The following OR2L13 variants were observed in gnomAD, a reference collection of about 807,000 sequenced individuals.
The protein encoded by OR2L13 is olfactory receptor family 2 subfamily L member 13.
Under a neutral mutation model 15.3 loss-of-function variants are expected in OR2L13, and 14 were observed. The observed-to-expected ratio is 0.91, with a 90% CI of 0.60 to 1.43. OR2L13 has a LOEUF of 1.43. OR2L13 is among the 40% of genes most tolerant of loss of function. The pLI, the probability that OR2L13 is intolerant of heterozygous loss-of-function variation, is 0.00. For synonymous variants in OR2L13, 152 were observed against 142.9 expected (o/e 1.06, Z -0.45); for missense variants, 367 against 387.9 (o/e 0.95, Z 0.45).
the OR2L13 span, among the ~76,000 whole-genome samples, chr1:247,959,268 G>GC: frequency 6.6e-6 from 1 of 151,980 alleles, no homozygotes; most frequent in Non-Finnish European, 1.5e-5. Flanking sequence ...TTGAATATTG[G>GC]CCCCCACTCT....
chr1:247,990,771 C>G, the OR2L13 span: 8 of 1,602,204 alleles, frequency 5.0e-6, no homozygotes, highest in Non-Finnish European at 6.8e-6. Flanking sequence ...TCCCATATTG[C>G]AAGTCCAGAG....
the OR2L13 span, among the ~76,000 whole-genome samples, chr1:248,081,038 C>A: frequency 2.0e-5 from 3 of 152,230 alleles, no homozygotes; most frequent in East Asian, 5.8e-4. Flanking sequence ...CATATCAGCT[C>A]ATTTTTAAAC....
chr1:248,049,507 T>C, the OR2L13 span, among the ~76,000 whole-genome samples: 1 of 152,138 alleles, frequency 6.6e-6, no homozygotes, highest in African/African-American at 2.4e-5. Flanking sequence ...ATCTTTTACA[T>C]TGGGAGCAAG....
chr1:248,058,938 T>G, the OR2L13 span, among the ~76,000 whole-genome samples: 1 of 152,102 alleles, frequency 6.6e-6, no homozygotes, highest in East Asian at 1.9e-4. Flanking sequence ...ACTTAATATT[T>G]TTTATCAATT....
the OR2L13 span, chr1:248,042,086 C>G: frequency 6.6e-6 from 1 of 151,976 alleles, no homozygotes; most frequent in African/African-American, 2.4e-5. Flanking sequence ...TTCACAATAG[C>G]AAAGACTTGG....
the OR2L13 span, among the ~76,000 whole-genome samples, chr1:247,964,144 A>G: frequency 6.6e-6 from 1 of 152,198 alleles, no homozygotes; most frequent in African/African-American, 2.4e-5. Context: ...TTAATTTTAA[A>G]CCACTTATTC....
the OR2L13 span, among the ~76,000 whole-genome samples, chr1:248,012,211 G>C: frequency 6.6e-6 from 1 of 152,064 alleles, no homozygotes; most frequent in African/African-American, 2.4e-5. Flanking sequence ...GTATTTCAGG[G>C]TTCCCTTCTT....
upstream of OR2L13, among the ~76,000 whole-genome samples, chr1:248,091,231 T>C (rs906164447): frequency 6.6e-6 from 1 of 152,106 alleles, no homozygotes; most frequent in Non-Finnish European, 1.5e-5. Flanking sequence ...CATTCTGTAG[T>C]TTGTCTGTTT....
chr1:248,022,533 T>C, the OR2L13 span: 4 of 1,614,172 alleles, frequency 2.5e-6, no homozygotes, highest in Non-Finnish European at 3.4e-6. Flanking sequence ...GGTCTATGAG[T>C]ACACAGTGTT....
chr1:248,062,273 A>T, the OR2L13 span: 2 of 152,380 alleles, frequency 1.3e-5, no homozygotes, highest in African/African-American at 4.8e-5. Context: ...AAAGGACTGG[A>T]ACATGCCAGC....
the OR2L13 span, among the ~76,000 whole-genome samples, chr1:247,944,139 A>G: frequency 6.6e-6 from 1 of 152,046 alleles, no homozygotes. Context: ...TTCTTTTTTA[A>G]AAAAAGTCAA....
chr1:247,975,865 A>G, the OR2L13 span, among the ~76,000 whole-genome samples: 2 of 152,160 alleles, frequency 1.3e-5, no homozygotes, highest in Non-Finnish European at 2.9e-5. Flanking sequence ...ATCAAAATAT[A>G]GATCATTTAT....
At chr1:247,939,436 T>C in the OR2L13 span, 2 of 152,204 alleles carry the variant, frequency 1.3e-5, no homozygotes, top group Admixed American at 1.3e-4. Context: ...CTGGGACTCA[T>C]TCATTTTCAC....
At chr1:248,031,846 G>T in the OR2L13 span, among the ~76,000 whole-genome samples, 1 of 151,956 alleles carries the variant, frequency 6.6e-6, no homozygotes, top group Non-Finnish European at 1.5e-5. Flanking sequence ...TAAAAATAGG[G>T]TACTCAGTTA....
chr1:248,077,794 G>A, the OR2L13 span, among the ~76,000 whole-genome samples: 6,224 of 152,106 alleles, frequency 0.041, 422 homozygotes, highest in African/African-American at 0.14. Flanking sequence ...GAATATGCAG[G>A]TAACTATATA....
chr1:248,059,616 C>A, the OR2L13 span, among the ~76,000 whole-genome samples: 3 of 152,174 alleles, frequency 2.0e-5, no homozygotes, highest in Non-Finnish European at 4.4e-5. Flanking sequence ...ATAAGGATTC[C>A]TTCTGGATTT....
At chr1:248,058,030 T>C in the OR2L13 span, among the ~76,000 whole-genome samples, 1 of 152,204 alleles carries the variant, frequency 6.6e-6, no homozygotes. Context: ...AAAGTGGACT[T>C]CCGTGTCTTG....
At chr1:247,984,941 A>G in the OR2L13 span, among the ~76,000 whole-genome samples, 57 of 152,204 alleles carry the variant, frequency 3.7e-4, no homozygotes, top group African/African-American at 1.3e-3. Context: ...GTCTCTATGA[A>G]TTTGACTACT....
the OR2L13 span, among the ~76,000 whole-genome samples, chr1:248,089,392 G>A: frequency 6.6e-6 from 1 of 152,042 alleles, no homozygotes; most frequent in African/African-American, 2.4e-5. Context: ...TAATGTGGCT[G>A]TTGGTAATTA....
Sources: gnomAD v4.1 joint callset for allele counts (sites outside exome capture counted in the v4.1 genomes callset) on GRCh38, gnomAD v4.1.1 for gene constraint, MANE v1.5 for transcripts, NCBI Gene and HGNC (gene_info 2026-07-23, HGNC 2026-07-21) for gene names.